Variants in THADA observed in about 807,000 individuals in gnomAD.
THADA encodes the protein tRNA (32-2'-O)-methyltransferase regulator THADA.
A neutral mutation model predicts 219.8 loss-of-function variants in THADA; 213 were observed. The ratio of observed to expected loss-of-function variants is 0.97; its 90% CI spans 0.87 to 1.09. THADA has a LOEUF of 1.09. Ranked by LOEUF, THADA falls within the 50% of genes least tolerant of loss-of-function variation. The probability of loss-of-function intolerance (pLI) is 0.00; values close to 1 mark genes in which losing one functional copy is unlikely to be tolerated. For synonymous variants in THADA, 1,018 were observed against 828.9 expected (o/e 1.23, Z -3.92); for missense variants, 2,956 against 2,311.3 (o/e 1.28, Z -5.72).
chr2:43,400,176 T>C (rs1417213172), intron 28 of THADA, among the ~76,000 whole-genome samples: 16 of 152,130 alleles, frequency 1.1e-4, no homozygotes, highest in Non-Finnish European at 4.4e-5. Flanking sequence ...TTGTAAATGA[T>C]GATTTCCCAA....
At chr2:43,539,801 TG>T (rs1207186429) in intron 21 of THADA, among the ~76,000 whole-genome samples, 14 of 152,190 alleles carry the variant, frequency 9.2e-5, no homozygotes, top group African/African-American at 1.7e-4. Flanking sequence ...TTGTGATAAT[TG>T]TTTTTTTTTT....
At chr2:43,577,619 T>G (rs965757958) in intron 9 of THADA, among the ~76,000 whole-genome samples, 1 of 152,086 alleles carries the variant, frequency 6.6e-6, no homozygotes, top group Non-Finnish European at 1.5e-5. Context: ...GATCTCATAA[T>G]ATATTTTTCT....
At chr2:43,548,656 G>A (rs538165205) in intron 20 of THADA, among the ~76,000 whole-genome samples, 16 of 152,330 alleles carry the variant, frequency 1.1e-4, no homozygotes, top group Middle Eastern at 6.8e-3. Context: ...CTCCGTGGGC[G>A]TAGGACCCTC....
At chr2:43,423,150 C>T (rs2104796227) in intron 28 of THADA, among the ~76,000 whole-genome samples, 1 of 145,252 alleles carries the variant, frequency 6.9e-6, no homozygotes, top group East Asian at 1.9e-4. Context: ...GGTCTTATGC[C>T]TGAATTTGTG....
intron 29 of THADA, among the ~76,000 whole-genome samples, chr2:43,345,201 C>A (rs776724267): frequency 5.3e-5 from 8 of 152,200 alleles, no homozygotes; most frequent in Non-Finnish European, 8.8e-5. Flanking sequence ...CAACGTTTTC[C>A]TCTCTTTCTC....
intron 29 of THADA, among the ~76,000 whole-genome samples, chr2:43,355,654 A>AT (rs1668798190): frequency 6.6e-6 from 1 of 151,962 alleles, no homozygotes; most frequent in Admixed American, 6.6e-5. Flanking sequence ...TCTTTTATCT[A>AT]TTTTGAGTTG....
chr2:43,233,020 G>A (rs1353833720), intron 36 of THADA, 138 bp from the exon 37 acceptor site: 32 of 832,778 alleles, frequency 3.8e-5, no homozygotes, highest in Middle Eastern at 3.7e-4. Flanking sequence ...GGTAGGGTGG[G>A]CTCACTGGAG....
In THADA at chr2:43,485,326, C is replaced by T. The variant is rs751347622; in HGVS notation, c.3745-1G>A. On this transcript the variant is annotated splice_acceptor_variant, in intron 25 of 37. Coordinates refer to ENST00000405975, the MANE Select transcript of THADA (RefSeq NM_022065.5). LOFTEE classifies it high-confidence loss of function. Reference sequence around the variant, plus strand: ...AGAGAAGTGTGGATGAATTTCGCACCTAATGTACAAACGAAAACACAATAA... The same window carrying T: ...AGAGAAGTGTGGATGAATTTCGCACTTAATGTACAAACGAAAACACAATAA... 5.0e-6 allele frequency: 8 copies of T among 1,609,824 alleles called. No homozygotes were observed. Among genetic ancestry groups the T allele is most frequent in the Admixed American group, 3.3e-5 (2 of 59,728 alleles).
rs777296013 is a variant in THADA, at chr2:43,551,893, A to G, written c.2843T>C (p.Val948Ala). The G allele has an allele frequency of 5.0e-6, 8 of 1,613,758 alleles. No individual in the cohort carries two copies. The Admixed American group carries it at 5.0e-5, about 10-fold the overall frequency. ...SLQLVSEWRP[V>A]VEKLLLMSYR... ...GGACATCAAAAGGAGCTTCTCTACC[A>G]CAGGTCTCCACTCGCTCACCAACTG... Residue 948 changes from valine (V) to alanine (A), a missense_variant, in exon 19 of 38, where the codon GTG becomes GCG. By Grantham distance (64) the Val-to-Ala change is moderately conservative. Transcript: ENST00000405975.
intron 29 of THADA, among the ~76,000 whole-genome samples, chr2:43,354,463 T>C: frequency 6.6e-6 from 1 of 151,984 alleles, no homozygotes; most frequent in East Asian, 1.9e-4. Context: ...ATATTATTCA[T>C]TCTATCTAAT....
At chr2:43,411,628 G>T (rs1425152973) in intron 28 of THADA, among the ~76,000 whole-genome samples, 6 of 152,158 alleles carry the variant, frequency 3.9e-5, no homozygotes, top group Non-Finnish European at 7.3e-5. Flanking sequence ...AGCCAAATCA[G>T]TGGATTATTT....
chr2:43,347,591 G>T (rs1257459389), intron 29 of THADA, among the ~76,000 whole-genome samples: 1 of 152,172 alleles, frequency 6.6e-6, no homozygotes, highest in African/African-American at 2.4e-5. Context: ...TTCATTAATT[G>T]TAACAAATGC....
intron 29 of THADA, among the ~76,000 whole-genome samples, chr2:43,397,445 C>T (rs1245492521): frequency 6.6e-6 from 1 of 152,028 alleles, no homozygotes; most frequent in East Asian, 1.9e-4. Flanking sequence ...AGGTTAAAAA[C>T]AATAAACTTG....
chr2:43,347,697 A>AT (rs1257230236), intron 29 of THADA, among the ~76,000 whole-genome samples: 1 of 152,158 alleles, frequency 6.6e-6, no homozygotes, highest in African/African-American at 2.4e-5. Context: ...TACCAGTTCA[A>AT]TTTTTCCCTA....
At chr2:43,301,670 C>A (rs965382860) in intron 31 of THADA, among the ~76,000 whole-genome samples, 1 of 152,188 alleles carries the variant, frequency 6.6e-6, no homozygotes, top group Admixed American at 6.5e-5. Context: ...CCAGAAAGCA[C>A]ATTACATTAA....
chr2:43,323,913 G>A (rs1317442172), intron 30 of THADA, among the ~76,000 whole-genome samples: 9 of 152,224 alleles, frequency 5.9e-5, no homozygotes, highest in Non-Finnish European at 1.5e-5. Flanking sequence ...CCAAGGAGCG[G>A]CAGCTTGGGA....
intron 30 of THADA, among the ~76,000 whole-genome samples, chr2:43,320,904 T>C (rs1475351502): frequency 6.6e-6 from 1 of 152,036 alleles, no homozygotes; most frequent in Non-Finnish European, 1.5e-5. Context: ...TTTTTAAGTA[T>C]AGAAATTTGG....
intron 30 of THADA, among the ~76,000 whole-genome samples, chr2:43,336,392 C>A (rs931862528): frequency 3.3e-5 from 5 of 152,248 alleles, no homozygotes; most frequent in African/African-American, 9.6e-5. Context: ...CTGCCTCAGC[C>A]TCCCGAGTAG....
chr2:43,571,462 G>C (rs1699290109), intron 13 of THADA, among the ~76,000 whole-genome samples: 1 of 151,912 alleles, frequency 6.6e-6, no homozygotes, highest in African/African-American at 2.4e-5. Context: ...GTGTTGCCCA[G>C]GCTGATTCTG....
Sources: gnomAD v4.1 joint callset for allele counts (sites outside exome capture counted in the v4.1 genomes callset) on GRCh38, gnomAD v4.1.1 for gene constraint, MANE v1.5 for transcripts, NCBI Gene and HGNC (gene_info 2026-07-23, HGNC 2026-07-21) for gene names.